LAMA2: variants seen among roughly 807,000 people sequenced by gnomAD.
LAMA2 encodes the protein laminin subunit alpha 2.
A neutral mutation model predicts 364.8 loss-of-function variants in LAMA2; 269 were observed. That is an observed-to-expected ratio of 0.74 (90% CI 0.67 to 0.82). The LOEUF (loss-of-function observed/expected upper bound fraction) is 0.82. Ranked by LOEUF, LAMA2 falls within the 40% of genes least tolerant of loss-of-function variation. The pLI is 0.00. For synonymous variants in LAMA2, 1,379 were observed against 1,370.6 expected (o/e 1.01, Z -0.14); for missense variants, 3,807 against 3,873.2 (o/e 0.98, Z 0.45).
intron 11 of LAMA2, among the ~76,000 whole-genome samples, chr6:129,190,862 C>T (rs547049167): frequency 8.3e-4 from 126 of 152,266 alleles, no homozygotes; most frequent in African/African-American, 3.0e-3. Context: ...AAAATTATTA[C>T]TTAAACTATT....
chr6:129,333,622 A>G (rs1393920194), intron 29 of LAMA2, among the ~76,000 whole-genome samples: 1 of 152,194 alleles, frequency 6.6e-6, no homozygotes, highest in African/African-American at 2.4e-5. Context: ...AGAAATAATT[A>G]CTATCTTGCT....
intron 21 of LAMA2, among the ~76,000 whole-genome samples, chr6:129,298,473 A>C (rs1773346507): frequency 6.6e-6 from 1 of 152,154 alleles, no homozygotes; most frequent in African/African-American, 2.4e-5. Flanking sequence ...CCTTCACCCA[A>C]ATCATGAGCT....
chr6:129,177,989 C>A, intron 10 of LAMA2, 123 bp downstream of exon 10: 2 of 1,026,550 alleles, frequency 1.9e-6, no homozygotes, highest in Non-Finnish European at 3.0e-6. Context: ...ATAATCTATT[C>A]TACGTGTGGT....
chr6:128,971,682 G>T (rs1782197154), intron 1 of LAMA2, among the ~76,000 whole-genome samples: 1 of 152,130 alleles, frequency 6.6e-6, no homozygotes, highest in Non-Finnish European at 1.5e-5. Flanking sequence ...AGCTGAAAAA[G>T]GTAGGGGAGA....
At chr6:129,066,067 A>C (rs1446557471) in intron 3 of LAMA2, among the ~76,000 whole-genome samples, 2 of 13,328 alleles carry the variant, frequency 1.5e-4, no homozygotes, top group Admixed American at 2.9e-3. Flanking sequence ...TTTTTTTGAG[A>C]CGCAGTCTCG....
chr6:128,987,136 T>G (rs9482968), intron 1 of LAMA2, among the ~76,000 whole-genome samples: 47,185 of 105,052 alleles, frequency 0.45, 9,360 homozygotes, highest in African/African-American at 0.59. Context: ...GTTTTTTTTT[T>G]TTTGTTTTTT....
intron 19 of LAMA2, among the ~76,000 whole-genome samples, chr6:129,290,084 T>C (rs985485929): frequency 6.6e-6 from 1 of 152,150 alleles, no homozygotes; most frequent in Non-Finnish European, 1.5e-5. Flanking sequence ...TATTTTTCCA[T>C]TAAAATGACA....
At chr6:129,343,147 T>C (rs1673725199) in intron 30 of LAMA2, among the ~76,000 whole-genome samples, 1 of 152,162 alleles carries the variant, frequency 6.6e-6, no homozygotes, top group Non-Finnish European at 1.5e-5. Context: ...TTGCCCACAC[T>C]ACCTGCACTT....
At chr6:129,149,856 A>G (rs948170369) in intron 7 of LAMA2, among the ~76,000 whole-genome samples, 6 of 152,172 alleles carry the variant, frequency 3.9e-5, no homozygotes, top group African/African-American at 1.2e-4. Context: ...GTTAGGTATT[A>G]TAAGTAATCT....
intron 4 of LAMA2, among the ~76,000 whole-genome samples, chr6:129,103,969 A>G (rs1775673833): frequency 6.6e-6 from 1 of 152,058 alleles, no homozygotes; most frequent in African/African-American, 2.4e-5. Flanking sequence ...TATGTCAGAA[A>G]TAAGAAAAAC....
intron 2 of LAMA2, among the ~76,000 whole-genome samples, chr6:129,050,757 CAG>C (rs1446884417): frequency 1.3e-5 from 2 of 152,230 alleles, no homozygotes; most frequent in African/African-American, 4.8e-5. Context: ...TGCCAAAGGG[CAG>C]AGAGTAGAGA....
At chr6:129,103,767 G>A (rs935378372) in intron 4 of LAMA2, among the ~76,000 whole-genome samples, 1 of 151,650 alleles carries the variant, frequency 6.6e-6, no homozygotes, top group African/African-American at 2.4e-5. Context: ...GGTTTATGGG[G>A]CTTGTGCTTC....
At position 129,328,290 on chromosome 6, in the gene LAMA2, G is replaced by A; in HGVS notation, c.4189G>A (p.Gly1397Arg). The A allele has an allele frequency of 1.2e-6, 2 of 1,614,114 alleles. No homozygotes were observed. Among genetic ancestry groups the A allele is most frequent in the Non-Finnish European group, 1.7e-6 (2 of 1,180,014 alleles). The change falls in exon 29 of 65, where the codon GGA (glycine) becomes AGA (arginine). Residue 1397 changes from glycine (G) to arginine (R), a missense_variant. Gly to Arg is a moderately radical substitution (Grantham distance 125). Transcript: ENST00000421865. ...CCTTTTCTTTCAGGCATGCTTGCCG[G>A]GATTTTATCGACTGCGTTCTCAACC... ...SGLSCEACLP[G>R]FYRLRSQPGG...
chr6:129,144,281 A>G (rs959804061), intron 5 of LAMA2, among the ~76,000 whole-genome samples: 2 of 152,020 alleles, frequency 1.3e-5, no homozygotes, highest in Admixed American at 1.3e-4. Flanking sequence ...TGTGCCGCTT[A>G]TTACATGTGT....
chr6:128,989,879 T>C (rs1036697348), intron 1 of LAMA2, among the ~76,000 whole-genome samples: 3 of 152,124 alleles, frequency 2.0e-5, no homozygotes, highest in African/African-American at 7.2e-5. Context: ...TTCCTGTTTA[T>C]AGACAGCACG....
At chr6:129,167,862 G>C (rs1023495232) in intron 9 of LAMA2, among the ~76,000 whole-genome samples, 3 of 150,206 alleles carry the variant, frequency 2.0e-5, no homozygotes, top group Non-Finnish European at 4.4e-5. Flanking sequence ...CATTCTAACT[G>C]GTGTGAGATG....
At chr6:129,441,990 A>G (rs1181375082) in intron 43 of LAMA2, among the ~76,000 whole-genome samples, 1 of 152,168 alleles carries the variant, frequency 6.6e-6, no homozygotes, top group East Asian at 1.9e-4. Context: ...CTCAAAAAAA[A>G]AAAAGGGGGT....
intron 4 of LAMA2, among the ~76,000 whole-genome samples, chr6:129,116,482 A>G (rs1029072506): frequency 6.6e-6 from 1 of 152,168 alleles, no homozygotes; most frequent in Non-Finnish European, 1.5e-5. Flanking sequence ...AGTTCTGATC[A>G]CAGCTATGAA....
At chr6:129,132,509 A>G (rs1286882934) in intron 4 of LAMA2, among the ~76,000 whole-genome samples, 1 of 152,168 alleles carries the variant, frequency 6.6e-6, no homozygotes, top group Non-Finnish European at 1.5e-5. Context: ...GGATATGGAT[A>G]AGAATGCAAA....
Sources: gnomAD v4.1 joint callset for allele counts (sites outside exome capture counted in the v4.1 genomes callset) on GRCh38, gnomAD v4.1.1 for gene constraint, MANE v1.5 for transcripts, NCBI Gene and HGNC (gene_info 2026-07-23, HGNC 2026-07-21) for gene names.